Variants in BET1 observed in about 807,000 individuals in gnomAD.
The protein encoded by BET1 is BET1 homolog.
BET1 carries 9 observed loss-of-function variants against 13.9 expected under a neutral mutation model. That is an observed-to-expected ratio of 0.65 (90% CI 0.39 to 1.13). BET1 has a LOEUF of 1.13. BET1 is among the 50% of genes most tolerant of loss of function. The pLI is 0.01. For synonymous variants in BET1, 39 were observed against 47.3 expected (o/e 0.82, Z 0.72); for missense variants, 127 against 133.6 (o/e 0.95, Z 0.24).
At chr7:93,973,976 C>T (rs180846640) in intron 5 of BET1, among the ~76,000 whole-genome samples, 1 of 151,936 alleles carries the variant, frequency 6.6e-6, no homozygotes, top group African/African-American at 2.4e-5. Flanking sequence ...AAATAATATA[C>T]TTTCCTTAGT....
chr7:93,978,917 A>G (rs1332220036), intron 4 of BET1, among the ~76,000 whole-genome samples: 4 of 152,184 alleles, frequency 2.6e-5, no homozygotes, highest in African/African-American at 9.6e-5. Context: ...AGAGCACCCA[A>G]TCACTGGAGC....
intron 1 of BET1, 128 bp from the exon 2 acceptor site, chr7:93,999,422 C>A: frequency 2.6e-6 from 3 of 1,148,988 alleles, no homozygotes; most frequent in Non-Finnish European, 3.6e-6. Flanking sequence ...ATTCATACTC[C>A]AAATGAATTT....
intron 6 of BET1, among the ~76,000 whole-genome samples, chr7:93,966,598 A>T (rs1795176928): frequency 6.7e-6 from 1 of 148,392 alleles, no homozygotes; most frequent in Non-Finnish European, 1.5e-5. Flanking sequence ...ACCAGGAAAA[A>T]TTCCTCTTTT....
downstream of BET1, among the ~76,000 whole-genome samples, chr7:93,988,441 G>A (rs762730254): frequency 2.6e-5 from 4 of 152,138 alleles, no homozygotes; most frequent in Non-Finnish European, 5.9e-5. Flanking sequence ...TAAGATGGAT[G>A]TATGTGTATA....
At position 93,985,877 on chromosome 7, in the gene BET1, A is replaced by T. The variant is rs558825534; in HGVS notation, c.235+8475T>A. 2.6e-5 allele frequency among the ~76,000 whole-genome samples: 4 copies of T among 152,308 alleles called. No homozygotes were observed. The South Asian group carries it at 8.3e-4, about 32-fold the overall frequency. ...CTCCAAGCTGATAAGCAATTAAGGG[A>T]TCAAGGCAGAAACACACAGCCAAGG... On this transcript the variant is annotated intron_variant and NMD_transcript_variant, in intron 4 of 6. Transcript: ENST00000357520.
At chr7:94,001,231 A>G (rs950715264) in intron 1 of BET1, among the ~76,000 whole-genome samples, 1 of 152,202 alleles carries the variant, frequency 6.6e-6, no homozygotes, top group Non-Finnish European at 1.5e-5. Context: ...TCAACACTGT[A>G]TGTCCCCCCA....
At chr7:93,990,835 GT>G (rs901174208), downstream of BET1, among the ~76,000 whole-genome samples, 18 of 143,000 alleles carry the variant, frequency 1.3e-4, no homozygotes, top group African/African-American at 3.1e-4. Context: ...GTATATGCTT[GT>G]TTTTTTTTTC....
Position 93,988,058 on chromosome 7 carries a change from C to A in BET1, c.235+6294G>T, listed in dbSNP as rs571295003. Among the ~76,000 whole-genome samples the A allele has an allele frequency of 1.2e-3, 186 of 152,166 alleles. 1 individual carries two copies. The highest frequency in any genetic ancestry group is 6.2e-3 in the South Asian group (30 of 4,820). On this transcript the variant is annotated intron_variant and NMD_transcript_variant, in intron 4 of 6. Coordinates refer to the BET1 transcript ENST00000357520. ...TCAAGCCATATATTTTTATTAGGGG[C>A]CTTTTATGGTCTCAGCACTGGAATT...
chr7:93,970,513 C>G (rs1795244405), intron 6 of BET1, among the ~76,000 whole-genome samples: 1 of 151,712 alleles, frequency 6.6e-6, no homozygotes, highest in Non-Finnish European at 1.5e-5. Context: ...TTTCTGAACC[C>G]TGAGCACATA....
chr7:93,988,738 C>T (rs1372242339), downstream of BET1, among the ~76,000 whole-genome samples: 2 of 151,652 alleles, frequency 1.3e-5, no homozygotes, highest in African/African-American at 2.4e-5. Flanking sequence ...CTACATCCTC[C>T]GGAAAAAGCT....
At chr7:93,968,282 T>G (rs1278614966) in intron 6 of BET1, 1 of 151,848 alleles carries the variant, frequency 6.6e-6, no homozygotes, top group Non-Finnish European at 1.5e-5. Context: ...ATTTTTTTTC[T>G]GATTTACCAG....
Position 94,003,011 on chromosome 7 carries a change from A to G in BET1, c.19+1187T>C, listed in dbSNP as rs560492693. Among the ~76,000 whole-genome samples, 39 of 152,300 alleles carry G rather than the reference A, an allele frequency of 2.6e-4. No homozygotes were observed. The South Asian group carries it at 8.1e-3, about 32-fold the overall frequency. ...TGTACTACAATTTATCTTTGCACAT[A>G]TTCCTACTCCCCACCTAGACTGGAA... On this transcript the variant is annotated intron_variant, in intron 1 of 3. Transcript: ENST00000222547.
intron 3 of BET1, chr7:93,995,930 T>G: frequency 2.8e-6 from 1 of 363,224 alleles, no homozygotes; most frequent in East Asian, 4.1e-5. Context: ...AAGTGCCTTT[T>G]GATTGCTTGG....
chr7:93,994,659 T>C (rs1462768856), intron 3 of BET1, among the ~76,000 whole-genome samples: 8 of 152,140 alleles, frequency 5.3e-5, no homozygotes, highest in Admixed American at 2.0e-4. Flanking sequence ...ACTATTTAGG[T>C]GTTATTCCAA....
chr7:93,996,082 G>A (rs1428110952), intron 3 of BET1, 183 bp downstream of exon 3: 4 of 556,772 alleles, frequency 7.2e-6, no homozygotes, highest in Non-Finnish European at 1.2e-5. Context: ...ACATGCGTAA[G>A]ACGAGATGAA....
At chr7:93,991,315 C>A (rs1354255698), downstream of BET1, among the ~76,000 whole-genome samples, 1 of 152,162 alleles carries the variant, frequency 6.6e-6, no homozygotes, top group African/African-American at 2.4e-5. Flanking sequence ...CAAGTTAATT[C>A]ACCAGTTAAT....
At chr7:93,967,681 T>C (rs1262649856) in intron 6 of BET1, among the ~76,000 whole-genome samples, 1 of 151,812 alleles carries the variant, frequency 6.6e-6, no homozygotes, top group African/African-American at 2.4e-5. Flanking sequence ...TTAAAAAATA[T>C]CTTGTACTGA....
intron 6 of BET1, among the ~76,000 whole-genome samples, chr7:93,970,974 C>T (rs529390366): frequency 5.3e-5 from 8 of 151,766 alleles, no homozygotes; most frequent in East Asian, 3.9e-4. Context: ...AATAGGGGGA[C>T]ATGCTATTAT....
chr7:93,979,540 G>A (rs1795392649), intron 4 of BET1, among the ~76,000 whole-genome samples: 1 of 151,990 alleles, frequency 6.6e-6, no homozygotes, highest in Non-Finnish European at 1.5e-5. Flanking sequence ...TGACACATCA[G>A]CAACCACATA....
Sources: allele counts gnomAD v4.1 joint callset (sites outside exome capture counted in the v4.1 genomes callset), GRCh38; gene constraint gnomAD v4.1.1; transcripts MANE v1.5; gene names NCBI Gene and HGNC (gene_info 2026-07-23, HGNC 2026-07-21).